Variants in PRP4K observed in about 807,000 individuals in gnomAD.
The protein encoded by PRP4K is serine/threonine-protein kinase PRP4 homolog.
At chr6:4,037,532 C>G in the PRP4K span, 1 of 1,613,922 alleles carries the variant, frequency 6.2e-7, no homozygotes, top group Non-Finnish European at 8.5e-7. Context: ...TCAGACGTAG[C>G]AGGTCTCCAA....
At chr6:4,037,007 A>G in the PRP4K span, among the ~76,000 whole-genome samples, 1 of 135,848 alleles carries the variant, frequency 7.4e-6, no homozygotes, top group Non-Finnish European at 1.6e-5. Flanking sequence ...AAAAAAAAAA[A>G]GATCCTTAAT....
At chr6:4,027,007 G>C in the PRP4K span, among the ~76,000 whole-genome samples, 1 of 152,224 alleles carries the variant, frequency 6.6e-6, no homozygotes, top group East Asian at 1.9e-4. Flanking sequence ...ACATGGTGTG[G>C]CTGGAGCAGG....
chr6:4,033,668 G>A, the PRP4K span, among the ~76,000 whole-genome samples: 113 of 152,190 alleles, frequency 7.4e-4, no homozygotes, highest in South Asian at 1.5e-3. Flanking sequence ...ATTCCTAGCC[G>A]TTTACTGTGT....
the PRP4K span, among the ~76,000 whole-genome samples, chr6:4,054,170 G>A: frequency 1.3e-5 from 2 of 152,132 alleles, no homozygotes; most frequent in African/African-American, 4.8e-5. Flanking sequence ...CCAAAGTGCT[G>A]GGATTATAGG....
At chr6:4,025,047 C>T in the PRP4K span, among the ~76,000 whole-genome samples, 1 of 152,260 alleles carries the variant, frequency 6.6e-6, no homozygotes, top group East Asian at 1.9e-4. Flanking sequence ...TCTCATTCAC[C>T]TTTGCTTCCA....
At chr6:4,047,414 A>G in the PRP4K span, among the ~76,000 whole-genome samples, 5 of 152,360 alleles carry the variant, frequency 3.3e-5, no homozygotes, top group East Asian at 5.8e-4. Context: ...TAAGTCTAAA[A>G]TTAATGTCAA....
At chr6:4,060,883 A>G in the PRP4K span, 1 of 412,810 alleles carries the variant, frequency 2.4e-6, no homozygotes, top group African/African-American at 2.0e-5. This position sits in a 1 kb window ranked among gnomAD's most constrained non-coding sequence, Gnocchi z 4.7. Flanking sequence ...CAGTTCACAT[A>G]AAGACAAAAG....
the PRP4K span, among the ~76,000 whole-genome samples, chr6:4,023,028 TA>T: frequency 1.3e-5 from 2 of 152,222 alleles, no homozygotes; most frequent in African/African-American, 4.8e-5. Flanking sequence ...GTAACAGAGA[TA>T]ATCTTTAATT....
chr6:4,030,412 T>C, the PRP4K span, among the ~76,000 whole-genome samples: 1 of 152,224 alleles, frequency 6.6e-6, no homozygotes, highest in Non-Finnish European at 1.5e-5. Flanking sequence ...AATCCATAGC[T>C]TCCTCCAAAA....
the PRP4K span, among the ~76,000 whole-genome samples, chr6:4,048,590 C>T: frequency 6.6e-6 from 1 of 151,832 alleles, no homozygotes; most frequent in African/African-American, 2.4e-5. Context: ...ATAGGGTCTC[C>T]CTCTGTCCTA....
chr6:4,039,931 T>A, the PRP4K span, among the ~76,000 whole-genome samples: 1 of 150,868 alleles, frequency 6.6e-6, no homozygotes, highest in Non-Finnish European at 1.5e-5. Flanking sequence ...GGTAGGATCT[T>A]GCTCTGTTAC....
chr6:4,042,978 G>T, the PRP4K span, among the ~76,000 whole-genome samples: 1 of 152,166 alleles, frequency 6.6e-6, no homozygotes, highest in Non-Finnish European at 1.5e-5. Flanking sequence ...TGAATATGGT[G>T]GTTTAAATGA....
chr6:4,037,310 C>A, the PRP4K span: 1 of 1,235,924 alleles, frequency 8.1e-7, no homozygotes, highest in Non-Finnish European at 1.1e-6. Context: ...GGCTAATGTG[C>A]CTTTTCTTAC....
chr6:4,058,811 G>C, the PRP4K span: 1 of 1,603,528 alleles, frequency 6.2e-7, no homozygotes. Context: ...AAGTAACAGA[G>C]AGGGTAAGTG....
At chr6:4,047,777 TGG>T in the PRP4K span, among the ~76,000 whole-genome samples, 1 of 152,058 alleles carries the variant, frequency 6.6e-6, no homozygotes, top group Non-Finnish European at 1.5e-5. Flanking sequence ...TGGTCAAACT[TGG>T]GGACATTTTC....
At chr6:4,037,714 C>G in the PRP4K span, 2 of 665,778 alleles carry the variant, frequency 3.0e-6, no homozygotes, top group South Asian at 5.7e-5. Flanking sequence ...CCAGCAATCT[C>G]TACACATGGG....
At chr6:4,046,259 G>C in the PRP4K span, among the ~76,000 whole-genome samples, 1 of 152,184 alleles carries the variant, frequency 6.6e-6, no homozygotes, top group Non-Finnish European at 1.5e-5. Context: ...CCGTCTTTCT[G>C]AGTGCTTGTA....
the PRP4K span, chr6:4,037,363 A>T: frequency 1.3e-6 from 2 of 1,505,242 alleles, no homozygotes; most frequent in Non-Finnish European, 1.8e-6. Context: ...ACTTTGATTT[A>T]TATTTCTTTT....
At chr6:4,038,615 T>G in the PRP4K span, among the ~76,000 whole-genome samples, 1 of 152,118 alleles carries the variant, frequency 6.6e-6, no homozygotes, top group African/African-American at 2.4e-5. Flanking sequence ...TTTGCCTAAT[T>G]TCATCACACT....
Sources: gnomAD v4.1 joint callset for allele counts (sites outside exome capture counted in the v4.1 genomes callset) on GRCh38, gnomAD v4.1.1 for gene constraint, Gnocchi (gnomAD v3.1) non-coding constraint, MANE v1.5 for transcripts, NCBI Gene and HGNC (gene_info 2026-07-23, HGNC 2026-07-21) for gene names.